AGBL4: variants seen among roughly 807,000 people sequenced by gnomAD.
The protein encoded by AGBL4 is cytosolic carboxypeptidase 6.
In AGBL4, 58 loss-of-function variants were observed where a neutral mutation model predicts 66.4. That is an observed-to-expected ratio of 0.87 (90% CI 0.71 to 1.09). The LOEUF is 1.09. Ranked by LOEUF, AGBL4 falls within the 50% of genes least tolerant of loss-of-function variation. The probability of loss-of-function intolerance (pLI) is 0.00; values close to 1 mark genes in which losing one functional copy is unlikely to be tolerated. For synonymous variants in AGBL4, 234 were observed against 222.9 expected (o/e 1.05, Z -0.44); for missense variants, 579 against 631.0 (o/e 0.92, Z 0.88).
At chr1:48,815,805 G>A (rs575868978) in intron 6 of AGBL4, among the ~76,000 whole-genome samples, 1 of 152,236 alleles carries the variant, frequency 6.6e-6, no homozygotes, top group East Asian at 1.9e-4. Flanking sequence ...AATCAGAAAG[G>A]CAGATGGGTT....
Position 49,393,731 on chromosome 1 carries a change from G to GAAAT in AGBL4, c.283-147871_283-147868dup, listed in dbSNP as rs1366214133. Among the ~76,000 whole-genome samples the GAAAT allele has an allele frequency of 1.1e-4, 16 of 152,284 alleles. No individual in the cohort carries two copies. The East Asian group carries it at 2.9e-3, about 28-fold the overall frequency. ...AGTATTTTGATAGGGAATTAAGAGG[G>GAAAT]AAATGTTCACTAAGTGCATAGAGCT... On this transcript the variant is annotated intron_variant, in intron 3 of 13. Transcript: ENST00000371839.
intron 3 of AGBL4, among the ~76,000 whole-genome samples, chr1:49,610,771 A>G (rs537736593): frequency 6.6e-5 from 10 of 152,300 alleles, no homozygotes; most frequent in Admixed American, 4.6e-4. Context: ...TGAGCGATAA[A>G]TATCTCTTAA....
intron 6 of AGBL4, among the ~76,000 whole-genome samples, chr1:48,667,127 C>T (rs904498453): frequency 6.6e-6 from 1 of 152,124 alleles, no homozygotes; most frequent in African/African-American, 2.4e-5. Flanking sequence ...TCGACAAATT[C>T]TTTGTTCATT....
chr1:49,017,125 AC>A (rs1178322479), intron 5 of AGBL4, among the ~76,000 whole-genome samples: 1 of 152,202 alleles, frequency 6.6e-6, no homozygotes, highest in Non-Finnish European at 1.5e-5. Context: ...GGTCATAGCT[AC>A]CTCTGGAAGT....
chr1:49,559,752 T>C (rs771950626), intron 3 of AGBL4, among the ~76,000 whole-genome samples: 3 of 152,132 alleles, frequency 2.0e-5, no homozygotes, highest in Non-Finnish European at 4.4e-5. Flanking sequence ...CAGCGACACA[T>C]TGAAGGCTAC....
chr1:48,758,799 C>T (rs1644091268), intron 6 of AGBL4: 1 of 1,093,168 alleles, frequency 9.1e-7, no homozygotes, highest in South Asian at 1.8e-5. Context: ...TCCCTAGCCT[C>T]AGGGCACTTG....
chr1:48,580,010 G>A (rs2148330283), intron 11 of AGBL4, among the ~76,000 whole-genome samples: 2 of 151,884 alleles, frequency 1.3e-5, no homozygotes, highest in South Asian at 4.2e-4. Flanking sequence ...TTTCGACTGA[G>A]ATCTCAAGAC....
In AGBL4 at chr1:49,674,950, T is replaced by C. The variant is rs527626673; in HGVS notation, c.282+22363A>G. ...TAATGAGCTTTTGACATTTGAGTGA[T>C]AGCTACACTGAGATAAGAAATTAGA... On this transcript the variant is annotated intron_variant, in intron 3 of 13. Transcript: ENST00000371839. Among the ~76,000 whole-genome samples, 7 of 152,306 alleles carry C rather than the reference T, an allele frequency of 4.6e-5. No individual in the cohort carries two copies. In the South Asian group the frequency reaches 1.4e-3, roughly 32 times the overall value.
chr1:49,598,648 G>A (rs1644896355), intron 3 of AGBL4, among the ~76,000 whole-genome samples: 1 of 152,098 alleles, frequency 6.6e-6, no homozygotes, highest in Non-Finnish European at 1.5e-5. Flanking sequence ...TCCCAGTTAG[G>A]CTGCTCGGGG....
chr1:48,717,834 T>C (rs1235629178), intron 6 of AGBL4, among the ~76,000 whole-genome samples: 1 of 152,214 alleles, frequency 6.6e-6, no homozygotes, highest in Admixed American at 6.5e-5. Context: ...TTTAGCTGTG[T>C]GACACTGGGC....
chr1:48,564,871 C>T (rs1247861566), intron 11 of AGBL4, among the ~76,000 whole-genome samples: 1 of 152,162 alleles, frequency 6.6e-6, no homozygotes, highest in Non-Finnish European at 1.5e-5. Context: ...TGATGGCCCT[C>T]CATCTGTAAC....
the AGBL4 span, among the ~76,000 whole-genome samples, chr1:48,527,789 G>A: frequency 6.6e-6 from 1 of 152,110 alleles, no homozygotes; most frequent in Non-Finnish European, 1.5e-5. Context: ...GAGAGAACAA[G>A]CAGGAATAAC....
rs138150841 is a variant in AGBL4 at position 49,965,036 on chromosome 1, C to T, written c.34+58727G>A. Among the ~76,000 whole-genome samples the T allele has an allele frequency of 2.4e-3, 368 of 152,254 alleles. 4 individuals are homozygous for T. Among genetic ancestry groups the T allele is most frequent in the African/African-American group, 8.5e-3 (355 of 41,548 alleles). On this transcript the variant is annotated intron_variant, in intron 1 of 13. Transcript: ENST00000371839. ...AGCTAGACAAACCTGAATTTCAAAA[C>T]CCACGTGAGTACATATTGTATCCAT...
chr1:49,583,996 A>G (rs1271314529), intron 3 of AGBL4, among the ~76,000 whole-genome samples: 1 of 152,144 alleles, frequency 6.6e-6, no homozygotes, highest in Non-Finnish European at 1.5e-5. Context: ...ACTTGCTTAC[A>G]CCATTTACTC....
At chr1:49,476,949 T>C (rs1333208216) in intron 3 of AGBL4, among the ~76,000 whole-genome samples, 1 of 152,032 alleles carries the variant, frequency 6.6e-6, no homozygotes, top group South Asian at 2.1e-4. Flanking sequence ...TAAGGGCCTG[T>C]TGTGGTATAG....
chr1:49,575,408 T>C (rs1373441383), intron 3 of AGBL4, among the ~76,000 whole-genome samples: 1 of 152,098 alleles, frequency 6.6e-6, no homozygotes, highest in Non-Finnish European at 1.5e-5. Flanking sequence ...AGGACTATTA[T>C]GGTGGGAAAG....
At chr1:48,643,699 A>G (rs762176178) in intron 8 of AGBL4, among the ~76,000 whole-genome samples, 14 of 152,236 alleles carry the variant, frequency 9.2e-5, no homozygotes, top group Non-Finnish European at 2.1e-4. Context: ...AATGAAAAGA[A>G]TGGGTCTTCT....
intron 2 of AGBL4, among the ~76,000 whole-genome samples, chr1:49,764,893 A>G (rs955516148): frequency 5.3e-5 from 8 of 152,186 alleles, no homozygotes; most frequent in African/African-American, 1.9e-4. Flanking sequence ...AGACTAATGC[A>G]GTACGTATCT....
chr1:49,102,384 T>G (rs1571452686), intron 4 of AGBL4, among the ~76,000 whole-genome samples: 1 of 152,228 alleles, frequency 6.6e-6, no homozygotes, highest in South Asian at 2.1e-4. Context: ...CAGGACCAAG[T>G]TTACTGGTTT....
Sources: allele counts gnomAD v4.1 joint callset (sites outside exome capture counted in the v4.1 genomes callset), GRCh38; gene constraint gnomAD v4.1.1; transcripts MANE v1.5; gene names NCBI Gene and HGNC (gene_info 2026-07-23, HGNC 2026-07-21).